Variants in KIF21A observed in about 807,000 individuals in gnomAD.
The protein encoded by KIF21A is kinesin family member 21A, also known as kinesin-like protein KIF21A.
A neutral mutation model predicts 202.9 loss-of-function variants in KIF21A; 114 were observed. That is an observed-to-expected ratio of 0.56 (90% confidence interval 0.48 to 0.66). The LOEUF (loss-of-function observed/expected upper bound fraction) is 0.66, where lower values mean the gene tolerates loss of function less well. KIF21A is among the 30% of genes least tolerant of loss of function. The pLI, the probability that KIF21A is intolerant of heterozygous loss-of-function variation, is 0.00. For synonymous variants in KIF21A, 667 were observed against 670.8 expected, an observed-to-expected ratio of 0.99 and a Z score of 0.09; for missense variants, 1,677 against 1,994.9, an observed-to-expected ratio of 0.84 and a Z score of 3.04.
intron 28 of KIF21A, 115 bp downstream of exon 28, chr12:39,319,791 A>G: frequency 1.4e-6 from 1 of 732,210 alleles, no homozygotes; most frequent in Non-Finnish European, 2.4e-6. Flanking sequence ...TTAGTCAAAT[A>G]GTCATAACCA....
intron 1 of KIF21A, among the ~76,000 whole-genome samples, chr12:39,416,801 A>G (rs1250829783): frequency 1.7e-5 from 2 of 116,228 alleles, no homozygotes; most frequent in East Asian, 3.0e-4. Flanking sequence ...ATATATATGT[A>G]CATATATATG....
intron 1 of KIF21A, among the ~76,000 whole-genome samples, chr12:39,397,231 T>C (rs77278290): frequency 0.082 from 12,442 of 152,284 alleles, 642 homozygotes; most frequent in South Asian, 0.28. Flanking sequence ...TTTGGTTCTT[T>C]ATAATGCATA....
intron 1 of KIF21A, among the ~76,000 whole-genome samples, chr12:39,388,039 A>G (rs979000027): frequency 6.6e-6 from 1 of 152,170 alleles, no homozygotes; most frequent in African/African-American, 2.4e-5. Context: ...CGAAGAAAAG[A>G]GCAGGTCCTC....
chr12:39,325,370 C>T (rs1301387325), intron 26 of KIF21A, among the ~76,000 whole-genome samples: 9 of 149,534 alleles, frequency 6.0e-5, no homozygotes, highest in Admixed American at 2.0e-4. Flanking sequence ...CTCGCTCCGT[C>T]GCCCAGGCTG....
At position 39,442,332 on chromosome 12, in the gene KIF21A, C is replaced by T. The variant is rs532022000; in HGVS notation, c.44+595G>A. 1.8e-4 allele frequency among the ~76,000 whole-genome samples: 27 copies of T among 152,256 alleles called. No individual in the cohort carries two copies. Among genetic ancestry groups the T allele is most frequent in the African/African-American group, 6.0e-4 (25 of 41,544 alleles). ...AACACCCAAGAGGCTAGATCTGTCT[C>T]CTCTACCCACACGCGGGGGCATGTC... On this transcript the variant is annotated intron_variant, in intron 1 of 37. Transcript: ENST00000361418. The surrounding 1 kb of genome is among the most constrained non-coding windows in gnomAD (Gnocchi z 5.0).
chr12:39,421,047 A>G (rs966947846), intron 1 of KIF21A, among the ~76,000 whole-genome samples: 1 of 152,236 alleles, frequency 6.6e-6, no homozygotes, highest in African/African-American at 2.4e-5. Context: ...ATTTTAGTCA[A>G]TGACTGACCG....
At chr12:39,308,031 T>C (rs1943646674) in intron 33 of KIF21A, among the ~76,000 whole-genome samples, 1 of 152,060 alleles carries the variant, frequency 6.6e-6, no homozygotes, top group Non-Finnish European at 1.5e-5. Flanking sequence ...GGCTAAAACA[T>C]CTTTCAGAAA....
rs773519348 is a variant in KIF21A, at chr12:39,331,720, T to C, written c.3123A>G (p.Leu1041=). 2.1e-5 allele frequency: 34 copies of C among 1,613,262 alleles called. No homozygotes were observed. The highest frequency in any genetic ancestry group is 2.8e-5 in the Non-Finnish European group (33 of 1,179,350). ...TGATGCCCATTGACAGGAAGTGATC[T>C]AGCAGGTATCGGGCTTCTGTAAGGG... ...ACTLTEARYL[L]DHFLSMGINK... The change falls in exon 22 of 38, where the codon CTA becomes CTG. Residue 1041 remains leucine, a synonymous_variant. Transcript: ENST00000361418.
At chr12:39,355,706 A>AC (rs1565930462) in intron 10 of KIF21A, among the ~76,000 whole-genome samples, 1 of 62,070 alleles carries the variant, frequency 1.6e-5, no homozygotes, top group Non-Finnish European at 2.6e-5. Context: ...AGCATGAACA[A>AC]TTATATATAT....
intron 15 of KIF21A, 29 bp downstream of exon 15, chr12:39,340,877 C>T: frequency 6.6e-7 from 1 of 1,516,558 alleles, no homozygotes; most frequent in Non-Finnish European, 9.1e-7. Flanking sequence ...TTAGCTTGAA[C>T]TTTCATTTGA....
chr12:39,320,419 GA>G (rs1318150606), intron 27 of KIF21A, among the ~76,000 whole-genome samples: 1 of 151,958 alleles, frequency 6.6e-6, no homozygotes, highest in African/African-American at 2.4e-5. Flanking sequence ...GAGATTTAAT[GA>G]ATTAATATTG....
chr12:39,326,302 A>G lies in KIF21A; in HGVS notation c.3363T>C (p.Asp1121=). The stretch of plus-strand genomic sequence containing the variant: ...CTGGGCTGTTTAAAGGAGCATCCTC[A>G]TCAGTACTATCCTCTACATTTTCTA... ...VPLENVEDST[D]EDAPLNSPGS... is the part of the protein sequence containing the mutation. The change falls in exon 25 of 38, where the codon GAT becomes GAC. Residue 1121 remains aspartate (D), a synonymous_variant. Transcript: ENST00000361418. 2 of 1,612,036 alleles carry G rather than the reference A, an allele frequency of 1.2e-6. No individual in the cohort carries two copies. Among genetic ancestry groups the G allele is most frequent in the East Asian group, 4.5e-5 (2 of 44,774 alleles).
At chr12:39,376,180 C>G (rs974328127) in intron 1 of KIF21A, among the ~76,000 whole-genome samples, 3 of 152,124 alleles carry the variant, frequency 2.0e-5, no homozygotes, top group Non-Finnish European at 4.4e-5. Context: ...CAACAATTAA[C>G]ATTCCTGCAT....
intron 34 of KIF21A, 135 bp downstream of exon 34, chr12:39,307,430 T>C: frequency 2.7e-6 from 2 of 738,406 alleles, no homozygotes; most frequent in South Asian, 3.4e-5. Flanking sequence ...AGAGGTACTA[T>C]GCTGAATAAA....
At chr12:39,317,574 C>T (rs1212322364) in intron 29 of KIF21A, among the ~76,000 whole-genome samples, 2 of 152,062 alleles carry the variant, frequency 1.3e-5, no homozygotes, top group East Asian at 1.9e-4. Flanking sequence ...TTTTTTATTC[C>T]AAGAACACAA....
chr12:39,301,750 C>A, intron 36 of KIF21A, 71 bp from the exon 37 acceptor site: 1 of 1,316,114 alleles, frequency 7.6e-7, no homozygotes, highest in Non-Finnish European at 1.1e-6. Context: ...TGAAAATAAA[C>A]TGAAAAACAT....
chr12:39,313,819 T>A (rs57844373), intron 31 of KIF21A, among the ~76,000 whole-genome samples: 9,758 of 151,866 alleles, frequency 0.064, 1,051 homozygotes, highest in African/African-American at 0.22. Flanking sequence ...AGGCCATATA[T>A]GGAATGAGGT....
rs1392667044 is a variant in KIF21A at position 39,337,219 on chromosome 12, T to TA, written c.2311-17dup. 17 of 1,449,072 alleles carry TA rather than the reference T, an allele frequency of 1.2e-5. No homozygotes were observed. The highest frequency in any genetic ancestry group is 1.6e-5 in the Non-Finnish European group (17 of 1,031,662). The allele number at this position is 1,449,072 out of a possible 1,614,324, so 89.8% of individuals were successfully genotyped here. ...TTAGGCGAACCTAACCAATTAGGTA[T>TA]AGACATCTATTGAAATTACTCTGTC... is the stretch of plus-strand genomic sequence containing the variant. On this transcript the variant is annotated splice_polypyrimidine_tract_variant and intron_variant, in intron 16 of 37. Coordinates refer to ENST00000361418, the MANE Select transcript of KIF21A (RefSeq NM_001173464.2).
chr12:39,381,289 T>C (rs1329751384), intron 1 of KIF21A, among the ~76,000 whole-genome samples: 7 of 142,538 alleles, frequency 4.9e-5, no homozygotes, highest in Non-Finnish European at 1.5e-5. Flanking sequence ...CCTGGGCAAC[T>C]GAGCGAGACT....
Sources: allele counts gnomAD v4.1 joint callset (sites outside exome capture counted in the v4.1 genomes callset), GRCh38; gene constraint gnomAD v4.1.1; non-coding constraint Gnocchi (gnomAD v3.1); transcripts MANE v1.5; gene names NCBI Gene and HGNC (gene_info 2026-07-23, HGNC 2026-07-21).